TSHZ2: variants seen among roughly 807,000 people sequenced by gnomAD.
The protein encoded by TSHZ2 is teashirt zinc finger homeobox 2.
TSHZ2 carries 21 observed loss-of-function variants against 74.4 expected under a neutral mutation model. The ratio of observed to expected loss-of-function variants is 0.28; its 90% CI spans 0.20 to 0.41. The LOEUF (loss-of-function observed/expected upper bound fraction) is 0.41. Ranked by LOEUF, TSHZ2 falls within the 10% of genes least tolerant of loss-of-function variation. The pLI is 1.00. For missense variants in TSHZ2, 1,244 were observed against 1,293.5 expected (o/e 0.96, Z 0.59); for synonymous variants, 540 against 515.3 (o/e 1.05, Z -0.65).
intron 1 of TSHZ2, among the ~76,000 whole-genome samples, chr20:53,024,812 C>A (rs1983377504): frequency 6.6e-6 from 1 of 152,144 alleles, no homozygotes; most frequent in Admixed American, 6.5e-5. Context: ...CATGTCCCTG[C>A]AAAGGACGTG....
At chr20:53,392,653 T>G (rs2145661863) in intron 2 of TSHZ2, among the ~76,000 whole-genome samples, 1 of 152,302 alleles carries the variant, frequency 6.6e-6, no homozygotes, top group South Asian at 2.1e-4. Context: ...TTTTCTTAAA[T>G]TTAATTCCAA....
chr20:53,158,908 C>A (rs1452799979), intron 1 of TSHZ2, among the ~76,000 whole-genome samples: 1 of 152,220 alleles, frequency 6.6e-6, no homozygotes, highest in Admixed American at 6.5e-5. Context: ...TTCTTTAAAC[C>A]TTAAAACATT....
intron 1 of TSHZ2, among the ~76,000 whole-genome samples, chr20:53,056,115 T>C (rs910873531): frequency 1.3e-5 from 2 of 152,252 alleles, no homozygotes; most frequent in African/African-American, 4.8e-5. Context: ...TTATTTTATC[T>C]ATACCTAGAA....
At chr20:53,150,419 A>C (rs1215270150) in intron 1 of TSHZ2, among the ~76,000 whole-genome samples, 2 of 152,202 alleles carry the variant, frequency 1.3e-5, no homozygotes, top group African/African-American at 4.8e-5. Context: ...CTGTTTTTAT[A>C]TAGCTGGCAA....
intron 1 of TSHZ2, among the ~76,000 whole-genome samples, chr20:52,982,425 G>A (rs568104577): frequency 1.2e-4 from 19 of 152,312 alleles, no homozygotes; most frequent in Non-Finnish European, 2.2e-4. Context: ...GAGCCTAGAC[G>A]GAGGATGCTG....
chr20:53,402,015 C>A (rs1459255237), intron 2 of TSHZ2, among the ~76,000 whole-genome samples: 2 of 152,086 alleles, frequency 1.3e-5, no homozygotes, highest in African/African-American at 2.4e-5. Context: ...GATCTCCTGA[C>A]CTCGTGATCT....
intron 1 of TSHZ2, among the ~76,000 whole-genome samples, chr20:53,072,985 C>T (rs1383238774): frequency 2.0e-5 from 3 of 150,792 alleles, no homozygotes; most frequent in Non-Finnish European, 1.5e-5. Context: ...ATCCATCCCT[C>T]CCTTCATCCA....
chr20:53,195,870 T>C (rs1337217748), intron 1 of TSHZ2, among the ~76,000 whole-genome samples: 4 of 152,164 alleles, frequency 2.6e-5, no homozygotes, highest in Non-Finnish European at 2.9e-5. Flanking sequence ...CAGATTTATA[T>C]GGTATACACA....
chr20:53,019,678 C>T (rs984127173), intron 1 of TSHZ2, among the ~76,000 whole-genome samples: 4 of 152,128 alleles, frequency 2.6e-5, no homozygotes, highest in African/African-American at 7.2e-5. Flanking sequence ...ATTACATCCT[C>T]GTGGGCAAGT....
chr20:53,050,124 TACAC>T (rs376452454), intron 1 of TSHZ2, among the ~76,000 whole-genome samples: 159 of 106,752 alleles, frequency 1.5e-3, no homozygotes, highest in African/African-American at 4.1e-3. Context: ...TATATATATA[TACAC>T]ATATATATAT....
At chr20:53,240,072 G>A (rs1318843990) in intron 1 of TSHZ2, among the ~76,000 whole-genome samples, 1 of 152,122 alleles carries the variant, frequency 6.6e-6, no homozygotes, top group East Asian at 1.9e-4. Flanking sequence ...GCTCCGTGAT[G>A]TCATATATGT....
chr20:53,370,536 G>A (rs1022259115), intron 2 of TSHZ2, among the ~76,000 whole-genome samples: 26 of 152,170 alleles, frequency 1.7e-4, no homozygotes, highest in African/African-American at 5.1e-4. Context: ...CGAGGCAGAC[G>A]GATAGATTGA....
chr20:53,451,900 T>G (rs1447409603), intron 2 of TSHZ2, among the ~76,000 whole-genome samples: 1 of 152,242 alleles, frequency 6.6e-6, no homozygotes, highest in Non-Finnish European at 1.5e-5. Flanking sequence ...ATGAATTGTT[T>G]TGCTAGTAAA....
At chr20:53,384,074 G>T (rs1217613026) in intron 2 of TSHZ2, among the ~76,000 whole-genome samples, 1 of 152,130 alleles carries the variant, frequency 6.6e-6, no homozygotes, top group Non-Finnish European at 1.5e-5. Flanking sequence ...TCAGAATGGT[G>T]CCCAGGGAAG....
intron 2 of TSHZ2, among the ~76,000 whole-genome samples, chr20:53,440,848 C>T (rs531802214): frequency 6.6e-5 from 10 of 152,322 alleles, no homozygotes; most frequent in Non-Finnish European, 1.2e-4. Context: ...ACTCAAGCCA[C>T]GTTGGGAAAA....
At chr20:53,463,491 AAAGAGAGAAGG>A (rs966095915) in intron 2 of TSHZ2, among the ~76,000 whole-genome samples, 1 of 131,930 alleles carries the variant, frequency 7.6e-6, no homozygotes, top group African/African-American at 2.7e-5. Context: ...GAGAGGAAAG[AAAGAGAGAAGG>A]AAGAGAGGAA....
intron 1 of TSHZ2, among the ~76,000 whole-genome samples, chr20:53,246,339 GGT>G (rs1486868196): frequency 6.6e-6 from 1 of 152,100 alleles, no homozygotes; most frequent in African/African-American, 2.4e-5. Flanking sequence ...CACTGCACCT[GGT>G]GCACTGTGCT....
chr20:53,048,749 G>T (rs1023448894), intron 1 of TSHZ2, among the ~76,000 whole-genome samples: 2 of 152,108 alleles, frequency 1.3e-5, no homozygotes, highest in African/African-American at 2.4e-5. Flanking sequence ...GTGCAGAAAA[G>T]CTTTTCTTTT....
intron 1 of TSHZ2, among the ~76,000 whole-genome samples, chr20:53,250,901 TTGTGTGTGTG>T (rs11472057): frequency 6.7e-6 from 1 of 148,902 alleles, no homozygotes; most frequent in South Asian, 2.2e-4. Flanking sequence ...GGTGGGCAGA[TTGTGTGTGTG>T]TGTGTGTGTG....
Sources: gnomAD v4.1 joint callset for allele counts (sites outside exome capture counted in the v4.1 genomes callset) on GRCh38, gnomAD v4.1.1 for gene constraint, MANE v1.5 for transcripts, NCBI Gene and HGNC (gene_info 2026-07-23, HGNC 2026-07-21) for gene names.